Variants in OPCML observed in about 807,000 individuals in gnomAD.
OPCML encodes the protein opioid-binding protein/cell adhesion molecule.
In OPCML, 13 loss-of-function variants were observed where a neutral mutation model predicts 37.8. That is an observed-to-expected ratio of 0.34 (90% CI 0.22 to 0.55). The LOEUF (loss-of-function observed/expected upper bound fraction) is 0.55. Among genes scored for constraint, OPCML ranks in the 20% least tolerant of loss-of-function variants. The probability of loss-of-function intolerance (pLI) is 0.91; values close to 1 mark genes in which losing one functional copy is unlikely to be tolerated. For synonymous variants in OPCML, 176 were observed against 168.8 expected, an observed-to-expected ratio of 1.04 and a Z score of -0.33; for missense variants, 341 against 435.6, an observed-to-expected ratio of 0.78 and a Z score of 1.93.
chr11:133,372,497 T>C (rs1944696183), intron 1 of OPCML, among the ~76,000 whole-genome samples: 1 of 152,202 alleles, frequency 6.6e-6, no homozygotes, highest in Non-Finnish European at 1.5e-5. Context: ...TGGAAAATCT[T>C]TGAGTTATAC....
At chr11:133,441,855 TA>T (rs1394506491) in intron 1 of OPCML, among the ~76,000 whole-genome samples, 1 of 152,196 alleles carries the variant, frequency 6.6e-6, no homozygotes, top group Non-Finnish European at 1.5e-5. Context: ...ACTTCCAAAT[TA>T]TTTTTTTAAT....
At chr11:132,962,170 G>A (rs754177703) in intron 1 of OPCML, among the ~76,000 whole-genome samples, 34 of 152,320 alleles carry the variant, frequency 2.2e-4, no homozygotes, top group Middle Eastern at 3.4e-3. Context: ...TCATCCTGGC[G>A]TTTGTTTTAA....
At chr11:132,994,256 G>A (rs541560160) in intron 1 of OPCML, among the ~76,000 whole-genome samples, 2 of 152,164 alleles carry the variant, frequency 1.3e-5, no homozygotes, top group Non-Finnish European at 2.9e-5. Flanking sequence ...GAGCACGTCC[G>A]GGGCTTTTAC....
chr11:133,293,898 ACACACACACACAC>A (rs1942554117), intron 1 of OPCML, among the ~76,000 whole-genome samples: 7 of 143,064 alleles, frequency 4.9e-5, no homozygotes, highest in African/African-American at 7.8e-5. Flanking sequence ...AAGACTTCAC[ACACACACACACAC>A]ACACACACAC....
At chr11:133,120,767 A>C (rs1418825765) in intron 1 of OPCML, among the ~76,000 whole-genome samples, 1 of 152,162 alleles carries the variant, frequency 6.6e-6, no homozygotes, top group Non-Finnish European at 1.5e-5. Context: ...TGGCCAGTCT[A>C]CTATGATCAC....
chr11:132,952,521 C>T (rs533594164), intron 1 of OPCML, among the ~76,000 whole-genome samples: 3 of 152,328 alleles, frequency 2.0e-5, no homozygotes, highest in Admixed American at 6.5e-5. Context: ...TTTTCCTAGT[C>T]AGCTGCTAAC....
chr11:133,172,604 C>T (rs183911689), intron 1 of OPCML, among the ~76,000 whole-genome samples: 13 of 152,216 alleles, frequency 8.5e-5, no homozygotes, highest in Non-Finnish European at 1.8e-4. Flanking sequence ...GCTTTGAACT[C>T]GAGCATCTGT....
intron 2 of OPCML, among the ~76,000 whole-genome samples, chr11:132,933,818 C>A (rs371484081): frequency 6.6e-6 from 1 of 152,252 alleles, no homozygotes; most frequent in Middle Eastern, 3.4e-3. Flanking sequence ...GAGAAAAGCA[C>A]ACGGCGGTAC....
intron 1 of OPCML, among the ~76,000 whole-genome samples, chr11:133,340,643 TG>T (rs1943848595): frequency 7.0e-6 from 1 of 142,934 alleles, no homozygotes; most frequent in Non-Finnish European, 1.5e-5. Context: ...TGTGTGTGTG[TG>T]TGTGTAAGAG....
intron 3 of OPCML, among the ~76,000 whole-genome samples, chr11:132,561,350 C>T (rs2096410267): frequency 6.6e-6 from 1 of 152,184 alleles, no homozygotes; most frequent in Admixed American, 6.5e-5. Flanking sequence ...AAATCCTTTC[C>T]TGGGTCCTCA....
At chr11:132,460,711 C>T (rs1414931600) in intron 4 of OPCML, among the ~76,000 whole-genome samples, 1 of 152,194 alleles carries the variant, frequency 6.6e-6, no homozygotes, top group Non-Finnish European at 1.5e-5. Context: ...GAGAGAATCG[C>T]CAAACTTCAG....
chr11:132,942,099 C>A (rs942266473), intron 2 of OPCML, among the ~76,000 whole-genome samples: 6 of 152,118 alleles, frequency 3.9e-5, no homozygotes, highest in African/African-American at 1.4e-4. Context: ...ACCAGAACTG[C>A]CTCATTAAAG....
chr11:133,065,667 C>T (rs1234362349), intron 1 of OPCML: 1 of 152,336 alleles, frequency 6.6e-6, no homozygotes, highest in Non-Finnish European at 1.5e-5. Context: ...GGCCTTCTGT[C>T]AGCCTTGCCC....
chr11:132,943,276 G>T lies in OPCML; in HGVS notation c.62-266C>A. On this transcript the variant is annotated intron_variant, in intron 1 of 7. Coordinates refer to ENST00000524381, the MANE Select transcript of OPCML (RefSeq NM_001012393.5). This position sits in a 1 kb window ranked among gnomAD's most constrained non-coding sequence, Gnocchi z 4.3. ...GTCTGAGAATTCTTCCTCAGATCCT[G>T]CCTCAGCTTTCCAGCCTAGCAGAAC... is the stretch of plus-strand genomic sequence containing the variant. 1.1e-6 allele frequency: 1 copy of T among 871,504 alleles called. No individual in the cohort carries two copies. Among genetic ancestry groups the T allele is most frequent in the Non-Finnish European group, 1.7e-6 (1 of 579,906 alleles). 54.0% of individuals were successfully genotyped at this position (871,504 alleles called of 1,614,324 possible).
intron 3 of OPCML, among the ~76,000 whole-genome samples, chr11:132,598,256 C>A (rs2096495604): frequency 6.6e-6 from 1 of 152,222 alleles, no homozygotes; most frequent in East Asian, 1.9e-4. Context: ...CCTTTTATTG[C>A]TATTTTTGGT....
chr11:132,893,842 C>T (rs1220283804), intron 2 of OPCML, among the ~76,000 whole-genome samples: 1 of 152,178 alleles, frequency 6.6e-6, no homozygotes, highest in Non-Finnish European at 1.5e-5. Context: ...CTCCTGGCTT[C>T]CAATAAGCAA....
intron 2 of OPCML, among the ~76,000 whole-genome samples, chr11:132,695,154 AG>A (rs1943556214): frequency 6.6e-6 from 1 of 152,116 alleles, no homozygotes; most frequent in Non-Finnish European, 1.5e-5. Flanking sequence ...ATTAATTAAA[AG>A]GATATGTGGT....
intron 1 of OPCML, among the ~76,000 whole-genome samples, chr11:132,968,417 A>C (rs546100476): frequency 6.6e-5 from 10 of 152,254 alleles, no homozygotes; most frequent in African/African-American, 2.2e-4. Context: ...CATCCAATGG[A>C]AAGGGGCCTG....
At chr11:132,841,957 A>G (rs1030285898) in intron 2 of OPCML, among the ~76,000 whole-genome samples, 5 of 151,750 alleles carry the variant, frequency 3.3e-5, no homozygotes, top group African/African-American at 2.4e-5. Flanking sequence ...GACCCAGGTC[A>G]ATCCATCTGC....
Sources: allele counts gnomAD v4.1 joint callset (sites outside exome capture counted in the v4.1 genomes callset), GRCh38; gene constraint gnomAD v4.1.1; non-coding constraint Gnocchi (gnomAD v3.1); transcripts MANE v1.5; gene names NCBI Gene and HGNC (gene_info 2026-07-23, HGNC 2026-07-21).